The following ERC2 variants were observed in gnomAD, a reference collection of about 807,000 sequenced individuals.
The protein encoded by ERC2 is ELKS/RAB6-interacting/CAST family member 2.
In ERC2, 42 loss-of-function variants were observed where a neutral mutation model predicts 114.8. The observed-to-expected ratio is 0.37, with a 90% confidence interval of 0.29 to 0.47. The LOEUF is 0.47. ERC2 is among the 20% of genes least tolerant of loss of function. ERC2 has a pLI of 0.99. For synonymous variants in ERC2, 454 were observed against 425.5 expected (o/e 1.07, Z -0.82); for missense variants, 939 against 1,150.7 (o/e 0.82, Z 2.66).
chr3:55,651,754 A>T (rs2060631856), intron 17 of ERC2, among the ~76,000 whole-genome samples: 1 of 152,212 alleles, frequency 6.6e-6, no homozygotes, highest in South Asian at 2.1e-4. Context: ...ACCCTCAGAG[A>T]AACAGGGGAT....
intron 9 of ERC2, 109 bp downstream of exon 9, chr3:56,010,340 C>G: frequency 7.5e-7 from 1 of 1,332,140 alleles, no homozygotes; most frequent in Non-Finnish European, 1.0e-6. Flanking sequence ...TACTACATTC[C>G]CCAAGCCTTC....
chr3:56,109,834 G>A (rs1269062170), intron 6 of ERC2, among the ~76,000 whole-genome samples: 1 of 152,152 alleles, frequency 6.6e-6, no homozygotes, highest in Non-Finnish European at 1.5e-5. Context: ...CAGAGAACAA[G>A]CTGAAATTAG....
At chr3:55,586,633 T>G (rs1037763354) in intron 17 of ERC2, among the ~76,000 whole-genome samples, 8 of 152,370 alleles carry the variant, frequency 5.3e-5, no homozygotes, top group Admixed American at 6.5e-5. Flanking sequence ...CCAAACATTT[T>G]CACATTTGTG....
chr3:55,989,943 G>A (rs2070925937), intron 11 of ERC2, among the ~76,000 whole-genome samples: 1 of 152,092 alleles, frequency 6.6e-6, no homozygotes, highest in Non-Finnish European at 1.5e-5. Context: ...TAGGAATCAG[G>A]AAACCCATAT....
intron 7 of ERC2, among the ~76,000 whole-genome samples, chr3:56,077,978 T>G (rs1207765914): frequency 6.6e-6 from 1 of 152,118 alleles, no homozygotes; most frequent in Non-Finnish European, 1.5e-5. Context: ...ATAAGCAAGT[T>G]CAATAAATGT....
At chr3:56,289,866 T>G (rs2054968276) in intron 3 of ERC2, among the ~76,000 whole-genome samples, 3 of 152,348 alleles carry the variant, frequency 2.0e-5, no homozygotes, top group Admixed American at 2.0e-4. Flanking sequence ...CTGCCCAGCT[T>G]CCACTCTTGA....
chr3:55,741,735 T>C (rs2065973327), intron 14 of ERC2, among the ~76,000 whole-genome samples: 1 of 152,050 alleles, frequency 6.6e-6, no homozygotes, highest in African/African-American at 2.4e-5. Flanking sequence ...TGCCCCAAAA[T>C]GTAGCTTAAA....
intron 7 of ERC2, among the ~76,000 whole-genome samples, chr3:56,054,527 G>A (rs769241497): frequency 3.9e-5 from 6 of 151,988 alleles, no homozygotes; most frequent in African/African-American, 1.2e-4. Flanking sequence ...TGTCTATTAC[G>A]TCCTATCATC....
At chr3:55,583,527 T>G (rs59128213) in intron 17 of ERC2, among the ~76,000 whole-genome samples, 2 of 32,346 alleles carry the variant, frequency 6.2e-5, no homozygotes, top group African/African-American at 3.3e-4. Flanking sequence ...CTCCCTCCCT[T>G]CCTTCCTTCC....
intron 2 of ERC2, among the ~76,000 whole-genome samples, chr3:56,370,681 G>A (rs1315125616): frequency 1.1e-4 from 16 of 144,586 alleles, no homozygotes; most frequent in Middle Eastern, 3.2e-3. Flanking sequence ...TGCAACCTCC[G>A]CCTCCCAGGT....
intron 17 of ERC2, among the ~76,000 whole-genome samples, chr3:55,596,239 T>C (rs1575704218): frequency 6.6e-6 from 1 of 152,124 alleles, no homozygotes; most frequent in Admixed American, 6.5e-5. Flanking sequence ...GAAGAGTAGG[T>C]CCAAATAGAT....
chr3:55,815,825 A>G (rs2059886536), intron 14 of ERC2, among the ~76,000 whole-genome samples: 1 of 152,208 alleles, frequency 6.6e-6, no homozygotes, highest in South Asian at 2.1e-4. Context: ...AAGGGGGTAA[A>G]GAAGTGAGCC....
chr3:55,718,937 T>C (rs1420883196), intron 15 of ERC2, among the ~76,000 whole-genome samples: 4 of 152,180 alleles, frequency 2.6e-5, no homozygotes, highest in Non-Finnish European at 2.9e-5. Flanking sequence ...TGAGCCACAG[T>C]TGGCAATGAT....
At chr3:56,150,138 A>AATGCTAAT (rs1253525197) in intron 4 of ERC2, among the ~76,000 whole-genome samples, 1 of 152,192 alleles carries the variant, frequency 6.6e-6, no homozygotes, top group Non-Finnish European at 1.5e-5. Context: ...TGTATAACTG[A>AATGCTAAT]ATGCTAATAC....
chr3:56,197,750 A>C (rs567229600), intron 3 of ERC2, among the ~76,000 whole-genome samples: 1 of 152,362 alleles, frequency 6.6e-6, no homozygotes, highest in East Asian at 1.9e-4. Context: ...GATATTTCAC[A>C]ATTCACTATT....
chr3:55,842,289 C>T (rs2061168346), intron 14 of ERC2, among the ~76,000 whole-genome samples: 1 of 152,090 alleles, frequency 6.6e-6, no homozygotes, highest in Admixed American at 6.5e-5. Flanking sequence ...AAATTGCACC[C>T]TTTTAGACAA....
intron 2 of ERC2, among the ~76,000 whole-genome samples, chr3:56,366,838 G>A (rs777174532): frequency 2.0e-5 from 3 of 152,174 alleles, no homozygotes; most frequent in Non-Finnish European, 4.4e-5. Flanking sequence ...ACGTTTCTGT[G>A]ACTCACCAAT....
intron 2 of ERC2, among the ~76,000 whole-genome samples, chr3:56,336,493 G>C (rs1231366327): frequency 6.6e-6 from 1 of 152,126 alleles, no homozygotes; most frequent in East Asian, 1.9e-4. Flanking sequence ...CAGCTGGCCA[G>C]TAGGAAATCT....
intron 8 of ERC2, among the ~76,000 whole-genome samples, chr3:56,013,845 T>C (rs751572735): frequency 2.6e-5 from 4 of 152,082 alleles, no homozygotes; most frequent in Non-Finnish European, 4.4e-5. Context: ...CTCTAGGAAA[T>C]AGGACCCAGG....
Sources: allele counts gnomAD v4.1 joint callset (sites outside exome capture counted in the v4.1 genomes callset), GRCh38; gene constraint gnomAD v4.1.1; transcripts MANE v1.5; gene names NCBI Gene and HGNC (gene_info 2026-07-23, HGNC 2026-07-21).